The following SEMA3A variants were observed in gnomAD, a reference collection of about 807,000 sequenced individuals.
SEMA3A encodes the protein semaphorin 3A, also known as semaphorin-3A.
A neutral mutation model predicts 97.9 loss-of-function variants in SEMA3A; 29 were observed. The observed-to-expected ratio is 0.30, with a 90% CI of 0.22 to 0.40. The LOEUF is 0.40. Among genes scored for constraint, SEMA3A ranks in the 10% least tolerant of loss-of-function variants. SEMA3A has a pLI of 1.00. For missense variants in SEMA3A, 763 were observed against 951.3 expected, an observed-to-expected ratio of 0.80 and a Z score of 2.60; for synonymous variants, 321 against 323.7, an observed-to-expected ratio of 0.99 and a Z score of 0.09.
At chr7:84,216,454 A>T (rs74931029) in intron 3 of SEMA3A, among the ~76,000 whole-genome samples, 2,405 of 152,286 alleles carry the variant, frequency 0.016, 36 homozygotes, top group Non-Finnish European at 0.026. Context: ...TCATTGCATT[A>T]GGATATTAAG....
chr7:83,985,379 G>T, intron 13 of SEMA3A, 57 bp downstream of exon 13: 1 of 1,240,114 alleles, frequency 8.1e-7, no homozygotes, highest in Non-Finnish European at 1.2e-6. Context: ...TATATCTATT[G>T]AAACACCAGA....
upstream of SEMA3A, among the ~76,000 whole-genome samples, chr7:84,197,730 CTTTTTTTTTTTTTT>C (rs139403623): frequency 8.7e-5 from 6 of 69,344 alleles, no homozygotes; most frequent in African/African-American, 1.7e-4. Flanking sequence ...AAAGATCACT[CTTTTTTTTTTTTTT>C]TTTTTTTTTT....
chr7:83,983,327 A>G (rs906726307), intron 13 of SEMA3A, among the ~76,000 whole-genome samples: 1 of 151,908 alleles, frequency 6.6e-6, no homozygotes, highest in Non-Finnish European at 1.5e-5. Flanking sequence ...ATTTCAGTAT[A>G]TGGATGTGTC....
chr7:84,135,427 G>A (rs1206429264), intron 1 of SEMA3A, among the ~76,000 whole-genome samples: 2 of 151,970 alleles, frequency 1.3e-5, no homozygotes, highest in African/African-American at 2.4e-5. Flanking sequence ...TTATTAAAAT[G>A]AGAGTTATAT....
chr7:84,019,294 A>G (rs1401519305), intron 6 of SEMA3A, among the ~76,000 whole-genome samples: 2 of 152,106 alleles, frequency 1.3e-5, no homozygotes, highest in Non-Finnish European at 2.9e-5. Flanking sequence ...CCCAAAGGAC[A>G]TGAATAAAAA....
At chr7:84,445,516 A>AAAAAAAAAAAAAAAAAAAAAG (rs1805391070) in intron 1 of SEMA3A, among the ~76,000 whole-genome samples, 2 of 123,696 alleles carry the variant, frequency 1.6e-5, no homozygotes, top group South Asian at 2.5e-4. Flanking sequence ...AAAAAAAAAA[A>AAAAAAAAAAAAAAAAAAAAAG]AAAAGAAAAG....
At chr7:84,425,722 C>T (rs1804802809) in intron 1 of SEMA3A, among the ~76,000 whole-genome samples, 1 of 148,798 alleles carries the variant, frequency 6.7e-6, no homozygotes, top group South Asian at 2.1e-4. Context: ...GATGTAATCC[C>T]AGCACTTTGG....
chr7:84,350,067 G>C (rs149005453), intron 2 of SEMA3A, among the ~76,000 whole-genome samples: 6 of 152,192 alleles, frequency 3.9e-5, no homozygotes, highest in Admixed American at 1.3e-4. Context: ...TATCACGTCT[G>C]TTCTGACACA....
chr7:84,200,159 A>G (rs541459083), upstream of SEMA3A, among the ~76,000 whole-genome samples: 20 of 144,320 alleles, frequency 1.4e-4, no homozygotes, highest in African/African-American at 4.0e-4. Flanking sequence ...CAGTTGGGGG[A>G]AAAAAAAAAA....
chr7:84,353,771 A>G (rs1420172098), intron 2 of SEMA3A, among the ~76,000 whole-genome samples: 2 of 151,728 alleles, frequency 1.3e-5, no homozygotes, highest in South Asian at 2.1e-4. Context: ...GAGGATAAGG[A>G]AGCATTGGAT....
At chr7:84,327,559 G>A (rs1163079807) in intron 2 of SEMA3A, among the ~76,000 whole-genome samples, 1 of 151,786 alleles carries the variant, frequency 6.6e-6, no homozygotes, top group Non-Finnish European at 1.5e-5. Context: ...ATGCATGAGA[G>A]CATGAAAAAT....
intron 14 of SEMA3A, among the ~76,000 whole-genome samples, chr7:83,980,623 A>AAAAAATATAT (rs1310318006): frequency 1.5e-4 from 11 of 71,744 alleles, no homozygotes; most frequent in African/African-American, 2.5e-4. Flanking sequence ...AAAAAAAAAA[A>AAAAAATATAT]ATATATATAT....
intron 1 of SEMA3A, among the ~76,000 whole-genome samples, chr7:84,420,536 A>C (rs1684327576): frequency 6.6e-6 from 1 of 152,004 alleles, no homozygotes; most frequent in Non-Finnish European, 1.5e-5. Flanking sequence ...AAAGTGAACC[A>C]AGTGACCTGT....
upstream of SEMA3A, among the ~76,000 whole-genome samples, chr7:84,198,747 T>A (rs1798293245): frequency 6.6e-6 from 1 of 152,214 alleles, no homozygotes; most frequent in Non-Finnish European, 1.5e-5. Context: ...TGCTGTTGTA[T>A]ACTTTTCTGT....
chr7:84,419,682 T>G (rs1172972624), intron 1 of SEMA3A, among the ~76,000 whole-genome samples: 1 of 152,150 alleles, frequency 6.6e-6, no homozygotes, highest in Admixed American at 6.6e-5. Context: ...CAGAGTGGAA[T>G]GTATGCTCAG....
intron 3 of SEMA3A, among the ~76,000 whole-genome samples, chr7:84,290,464 CT>C (rs772835330): frequency 1.3e-5 from 2 of 150,600 alleles, no homozygotes; most frequent in Non-Finnish European, 3.0e-5. Context: ...TTTATCTTAA[CT>C]GTGTCTAAGG....
chr7:84,186,926 T>G (rs1797904582), intron 1 of SEMA3A, among the ~76,000 whole-genome samples: 1 of 152,176 alleles, frequency 6.6e-6, no homozygotes, highest in African/African-American at 2.4e-5. Flanking sequence ...TGTTCACACT[T>G]TAGCAAATAT....
chr7:84,411,642 C>A (rs1488531627), intron 1 of SEMA3A, among the ~76,000 whole-genome samples: 3 of 151,488 alleles, frequency 2.0e-5, no homozygotes, highest in Non-Finnish European at 1.5e-5. Flanking sequence ...AATATATTAA[C>A]TATCTACATT....
At chr7:84,305,769 A>G (rs1326723690) in intron 3 of SEMA3A, among the ~76,000 whole-genome samples, 2 of 151,946 alleles carry the variant, frequency 1.3e-5, no homozygotes, top group African/African-American at 2.4e-5. Flanking sequence ...CTGAAGGAGG[A>G]GAGGTTTATT....
Sources: allele counts gnomAD v4.1 joint callset (sites outside exome capture counted in the v4.1 genomes callset), GRCh38; gene constraint gnomAD v4.1.1; transcripts MANE v1.5; gene names NCBI Gene and HGNC (gene_info 2026-07-23, HGNC 2026-07-21).